Variants in RNF220 observed in about 807,000 individuals in gnomAD.
The protein encoded by RNF220 is ring finger protein 220, also known as E3 ubiquitin-protein ligase RNF220.
Under a neutral mutation model 67.1 loss-of-function variants are expected in RNF220, and 7 were observed. The observed-to-expected ratio is 0.10, with a 90% CI of 0.06 to 0.20. The LOEUF is 0.20. Ranked by LOEUF, RNF220 falls within the 10% of genes least tolerant of loss-of-function variation. The pLI is 1.00. For missense variants in RNF220, 565 were observed against 740.3 expected (o/e 0.76, Z 2.75); for synonymous variants, 270 against 283.2 (o/e 0.95, Z 0.47).
chr1:44,425,125 G>A (rs1572456670), intron 2 of RNF220, among the ~76,000 whole-genome samples: 1 of 152,194 alleles, frequency 6.6e-6, no homozygotes, highest in Non-Finnish European at 1.5e-5. Flanking sequence ...AGCTGCCACC[G>A]GGTAGAAGGT....
chr1:44,562,944 T>G (rs1452575547), intron 2 of RNF220, among the ~76,000 whole-genome samples: 2 of 152,206 alleles, frequency 1.3e-5, no homozygotes, highest in Non-Finnish European at 2.9e-5. Flanking sequence ...CAGTCAAGAA[T>G]TATACTTGCT....
intron 5 of RNF220, chr1:44,631,780 G>C (rs535541271): frequency 2.3e-6 from 1 of 441,514 alleles, no homozygotes; most frequent in Non-Finnish European, 3.0e-6. Flanking sequence ...TCGTGGAGTG[G>C]GGTGGAAGGA....
At chr1:44,501,083 A>G (rs1299992914) in intron 2 of RNF220, among the ~76,000 whole-genome samples, 1 of 148,332 alleles carries the variant, frequency 6.7e-6, no homozygotes, top group African/African-American at 2.5e-5. Context: ...TCGGGAGACA[A>G]TAGGAGAGCC....
At chr1:44,605,226 G>A (rs1466149380) in intron 2 of RNF220, among the ~76,000 whole-genome samples, 2 of 150,880 alleles carry the variant, frequency 1.3e-5, no homozygotes, top group African/African-American at 2.4e-5. Flanking sequence ...TTGAACGCAG[G>A]AGGCAGAGGT....
In RNF220 at chr1:44,645,178, G is replaced by GC; in HGVS notation, c.1311-41dup. On this transcript the variant is annotated intron_variant, in intron 10 of 14. Coordinates refer to ENST00000361799, the MANE Select transcript of RNF220 (RefSeq NM_018150.4). This position sits in a 1 kb window ranked among gnomAD's most constrained non-coding sequence, Gnocchi z 5.0. ...ACTGACCCTCAGGGCTGTCCTGCCC[G>GC]CCTTCAGGCCTCACTTTGTTTTTCC... The GC allele has an allele frequency of 6.2e-7, 1 of 1,613,774 alleles. No individual in the cohort carries two copies. The highest frequency in any genetic ancestry group is 8.5e-7 in the Non-Finnish European group (1 of 1,179,700).
chr1:44,430,608 T>C lies in RNF220; in HGVS notation c.625+17886T>C, dbSNP rs549193847. Among the ~76,000 whole-genome samples, 4 of 152,314 alleles carry C rather than the reference T, an allele frequency of 2.6e-5. No individual in the cohort carries two copies. In the East Asian group the frequency reaches 5.8e-4, roughly 22 times the overall value. On this transcript the variant is annotated intron_variant, in intron 2 of 14. Coordinates refer to ENST00000361799, the MANE Select transcript of RNF220 (RefSeq NM_018150.4). Reference sequence around the variant, plus strand: ...TCTCCCAGGCTGGGGTGCAGTGGCATGATCTCGGCTCACTGCAACCTCCGC... The same window carrying C: ...TCTCCCAGGCTGGGGTGCAGTGGCACGATCTCGGCTCACTGCAACCTCCGC...
chr1:44,605,002 GA>G lies in RNF220; in HGVS notation c.626-9162del, dbSNP rs1312694323. Among the ~76,000 whole-genome samples the G allele has an allele frequency of 5.3e-5, 8 of 152,272 alleles. No individual in the cohort carries two copies. The East Asian group carries it at 1.5e-3, about 29-fold the overall frequency. On this transcript the variant is annotated intron_variant, in intron 2 of 14. Transcript: ENST00000361799. ...ATGTCTTACAGAAAGAAGAGGAACA[GA>G]TAAAAGCATATATAGGGGCCGGGCG... is the stretch of plus-strand genomic sequence containing the variant.
chr1:44,462,391 C>T (rs1653864062), intron 2 of RNF220, among the ~76,000 whole-genome samples: 1 of 152,162 alleles, frequency 6.6e-6, no homozygotes, highest in South Asian at 2.1e-4. Flanking sequence ...ACATAAAACT[C>T]ATAATATGTC....
At chr1:44,511,602 T>C (rs1413678150) in intron 2 of RNF220, among the ~76,000 whole-genome samples, 1 of 152,196 alleles carries the variant, frequency 6.6e-6, no homozygotes, top group African/African-American at 2.4e-5. Flanking sequence ...GGTAGGAGAA[T>C]ACTCAGAAAA....
At chr1:44,433,693 A>G (rs1055565009) in intron 2 of RNF220, among the ~76,000 whole-genome samples, 5 of 152,246 alleles carry the variant, frequency 3.3e-5, no homozygotes, top group Non-Finnish European at 7.3e-5. Flanking sequence ...CATAATGGCC[A>G]GGTGTGGTGG....
chr1:44,457,825 T>A (rs1653351703), intron 2 of RNF220, among the ~76,000 whole-genome samples: 1 of 152,202 alleles, frequency 6.6e-6, no homozygotes, highest in South Asian at 2.1e-4. Context: ...AACATTGCAT[T>A]CTAACTTAGA....
At chr1:44,517,309 C>T (rs552623472) in intron 2 of RNF220, among the ~76,000 whole-genome samples, 1 of 152,216 alleles carries the variant, frequency 6.6e-6, no homozygotes, top group East Asian at 1.9e-4. Context: ...CTTCCCGGAC[C>T]CCCATCTCTC....
At chr1:44,427,490 A>G (rs1465542841) in intron 2 of RNF220, among the ~76,000 whole-genome samples, 2 of 152,160 alleles carry the variant, frequency 1.3e-5, no homozygotes, top group Non-Finnish European at 1.5e-5. Context: ...TGAGATGGGA[A>G]CTGTGTCTTA....
intron 1 of RNF220, among the ~76,000 whole-genome samples, chr1:44,406,911 C>T (rs1198070982): frequency 6.6e-6 from 1 of 152,208 alleles, no homozygotes; most frequent in Non-Finnish European, 1.5e-5. Flanking sequence ...CCAGGTCGAC[C>T]CCAGCTGGCG....
chr1:44,424,034 C>T (rs1294095008), intron 2 of RNF220: 30 of 985,060 alleles, frequency 3.0e-5, no homozygotes, highest in Non-Finnish European at 3.5e-5. Context: ...CATCCACGAA[C>T]ATTTCCTGAG....
In RNF220 at chr1:44,645,157, A is replaced by AC; in HGVS notation, c.1311-61dup. On this transcript the variant is annotated intron_variant, in intron 10 of 14. Transcript: ENST00000361799. The surrounding 1 kb of genome is among the most constrained non-coding windows in gnomAD (Gnocchi z 5.0). The stretch of plus-strand genomic sequence containing the variant: ...TGAGGCAGGGGTTAACGCAGTACTG[A>AC]CCCTCAGGGCTGTCCTGCCCGCCTT... 1 of 1,610,840 alleles carries AC rather than the reference A, an allele frequency of 6.2e-7. No individual in the cohort carries two copies. The highest frequency in any genetic ancestry group is 8.5e-7 in the Non-Finnish European group (1 of 1,177,100).
At chr1:44,575,478 C>T (rs183278495) in intron 2 of RNF220, among the ~76,000 whole-genome samples, 6 of 152,128 alleles carry the variant, frequency 3.9e-5, no homozygotes, top group East Asian at 1.9e-4. Flanking sequence ...GAGTCAAGTA[C>T]GGTGGGCAAA....
intron 2 of RNF220, among the ~76,000 whole-genome samples, chr1:44,531,131 C>CCTT (rs1260518474): frequency 5.3e-5 from 8 of 152,118 alleles, no homozygotes; most frequent in Non-Finnish European, 7.4e-5. Context: ...TGATCCAAAC[C>CCTT]CTTTTAAAAC....
At chr1:44,493,652 G>A (rs944286824) in intron 2 of RNF220, among the ~76,000 whole-genome samples, 4 of 151,792 alleles carry the variant, frequency 2.6e-5, no homozygotes, top group East Asian at 3.9e-4. Context: ...TAAGCATTTC[G>A]GATAAGGGAT....
Sources: gnomAD v4.1 joint callset for allele counts (sites outside exome capture counted in the v4.1 genomes callset) on GRCh38, gnomAD v4.1.1 for gene constraint, Gnocchi (gnomAD v3.1) non-coding constraint, MANE v1.5 for transcripts, NCBI Gene and HGNC (gene_info 2026-07-23, HGNC 2026-07-21) for gene names.